RABGAP1L: variants seen among roughly 807,000 people sequenced by gnomAD.
RABGAP1L encodes rab GTPase-activating protein 1-like.
RABGAP1L carries 63 observed loss-of-function variants against 137.7 expected under a neutral mutation model. The observed-to-expected ratio is 0.46, with a 90% confidence interval of 0.37 to 0.56. The LOEUF is 0.56. Ranked by LOEUF, RABGAP1L falls within the 20% of genes least tolerant of loss-of-function variation. The probability of loss-of-function intolerance (pLI) is 0.00; values close to 1 mark genes in which losing one functional copy is unlikely to be tolerated. For missense variants in RABGAP1L, 1,095 were observed against 1,244.0 expected (o/e 0.88, Z 1.80); for synonymous variants, 431 against 433.7 (o/e 0.99, Z 0.08).
chr1:174,793,097 A>C (rs1687981534), intron 18 of RABGAP1L, among the ~76,000 whole-genome samples: 1 of 152,064 alleles, frequency 6.6e-6, no homozygotes. Flanking sequence ...ATGCCACTGC[A>C]CTCCAGCCTG....
At chr1:174,484,607 A>C (rs1465214196) in intron 13 of RABGAP1L, among the ~76,000 whole-genome samples, 9 of 152,182 alleles carry the variant, frequency 5.9e-5, no homozygotes, top group Non-Finnish European at 1.3e-4. Flanking sequence ...GTTCTTCTGC[A>C]TATGGATAAT....
chr1:174,754,443 A>G (rs1031633169), intron 18 of RABGAP1L, among the ~76,000 whole-genome samples: 2 of 152,184 alleles, frequency 1.3e-5, no homozygotes, highest in Admixed American at 1.3e-4. Flanking sequence ...TATCAAAATT[A>G]AAAACTTTGG....
intron 18 of RABGAP1L, among the ~76,000 whole-genome samples, chr1:174,784,011 C>CTTTTTTTTTTTT (rs3085670): frequency 1.9e-5 from 1 of 52,140 alleles, no homozygotes; most frequent in African/African-American, 7.4e-5. Flanking sequence ...TCTTCTTCTT[C>CTTTTTTTTTTTT]TTTTTTTTTT....
At chr1:174,436,890 G>A (rs999321233) in intron 13 of RABGAP1L, among the ~76,000 whole-genome samples, 3 of 152,172 alleles carry the variant, frequency 2.0e-5, no homozygotes, top group Non-Finnish European at 4.4e-5. Flanking sequence ...GAACGATCAG[G>A]CAGCAGCATT....
At chr1:174,600,248 G>A (rs902358577) in intron 13 of RABGAP1L, among the ~76,000 whole-genome samples, 2 of 152,102 alleles carry the variant, frequency 1.3e-5, no homozygotes, top group African/African-American at 4.8e-5. Context: ...CCACAATAAC[G>A]TGGGAATTCT....
intron 22 of RABGAP1L, among the ~76,000 whole-genome samples, chr1:174,976,732 T>C (rs1160064351): frequency 6.6e-6 from 1 of 152,188 alleles, no homozygotes; most frequent in Admixed American, 6.5e-5. Context: ...GGAACCAGCC[T>C]TGAAGTTAGC....
intron 4 of RABGAP1L, among the ~76,000 whole-genome samples, chr1:174,232,253 A>G (rs1204562769): frequency 1.3e-5 from 2 of 152,172 alleles, no homozygotes; most frequent in East Asian, 1.9e-4. Flanking sequence ...CACACCTGCA[A>G]TCCCAGCACT....
At chr1:174,531,837 G>C (rs1445955356) in intron 13 of RABGAP1L, among the ~76,000 whole-genome samples, 1 of 151,756 alleles carries the variant, frequency 6.6e-6, no homozygotes, top group Non-Finnish European at 1.5e-5. Flanking sequence ...TTCCAAATGA[G>C]AAAAATATAG....
intron 11 of RABGAP1L, among the ~76,000 whole-genome samples, chr1:174,355,162 A>G (rs1346661490): frequency 6.6e-6 from 1 of 152,180 alleles, no homozygotes; most frequent in Non-Finnish European, 1.5e-5. Context: ...ACACATGCAC[A>G]TGTATGTTTA....
chr1:174,272,148 T>C (rs1394157038), intron 7 of RABGAP1L, among the ~76,000 whole-genome samples: 3 of 152,128 alleles, frequency 2.0e-5, no homozygotes, highest in African/African-American at 7.2e-5. Context: ...TTCTTTCAAT[T>C]AACAACTTAT....
chr1:174,877,164 AC>A (rs906031838), intron 19 of RABGAP1L, among the ~76,000 whole-genome samples: 4 of 152,132 alleles, frequency 2.6e-5, no homozygotes, highest in Non-Finnish European at 1.5e-5. Context: ...TAGTTAGGAA[AC>A]TTTATTTCTT....
At chr1:174,806,930 C>A (rs1327460294) in intron 18 of RABGAP1L, among the ~76,000 whole-genome samples, 4 of 152,066 alleles carry the variant, frequency 2.6e-5, no homozygotes, top group Admixed American at 2.6e-4. Context: ...GGATTACAGG[C>A]GTGTGCCACT....
At chr1:174,366,778 GAAAAAAAAA>G (rs71117562) in intron 11 of RABGAP1L, among the ~76,000 whole-genome samples, 42 of 94,830 alleles carry the variant, frequency 4.4e-4, no homozygotes, top group Middle Eastern at 6.2e-3. Flanking sequence ...CCGTCTCCAG[GAAAAAAAAA>G]AAAAAAAAAA....
intron 12 of RABGAP1L, among the ~76,000 whole-genome samples, chr1:174,378,513 G>C (rs1373913751): frequency 6.6e-6 from 1 of 151,926 alleles, no homozygotes; most frequent in Non-Finnish European, 1.5e-5. Flanking sequence ...TTGTGGTTTT[G>C]ATTTGCATTT....
chr1:174,439,143 C>T (rs913144139), intron 13 of RABGAP1L, among the ~76,000 whole-genome samples: 8 of 151,210 alleles, frequency 5.3e-5, no homozygotes, highest in Non-Finnish European at 7.4e-5. Flanking sequence ...TTCCCAGTCT[C>T]GGGAAGAAAG....
chr1:174,330,252 C>T (rs1021427873), intron 11 of RABGAP1L, among the ~76,000 whole-genome samples: 8 of 150,306 alleles, frequency 5.3e-5, no homozygotes, highest in African/African-American at 1.9e-4. Flanking sequence ...TTTCTATACA[C>T]CAATAGGAAA....
rs750284306 is a variant in RABGAP1L, at chr1:174,284,359, A to AG, written c.1323+5581dup. 1.8e-4 allele frequency among the ~76,000 whole-genome samples: 28 copies of AG among 152,300 alleles called. No individual in the cohort carries two copies. In the Middle Eastern group the frequency reaches 0.017, roughly 93 times the overall value. On this transcript the variant is annotated intron_variant, in intron 10 of 25. Transcript: ENST00000681986. Reference sequence around the variant, plus strand: ...CATACAGTATTTGTCTTTCTAGTCTAGCTTTTTTTACTTAGCATAATGCTC... The same window carrying AG: ...CATACAGTATTTGTCTTTCTAGTCTAGGCTTTTTTTACTTAGCATAATGCTC...
At chr1:174,621,945 A>G (rs947318449) in intron 13 of RABGAP1L, among the ~76,000 whole-genome samples, 36 of 152,224 alleles carry the variant, frequency 2.4e-4, no homozygotes, top group Middle Eastern at 3.2e-3. Context: ...AATTTTTGCC[A>G]TCTACTCATC....
At chr1:174,533,124 GT>G (rs1256802296) in intron 13 of RABGAP1L, among the ~76,000 whole-genome samples, 2 of 152,130 alleles carry the variant, frequency 1.3e-5, no homozygotes, top group Non-Finnish European at 2.9e-5. Context: ...ATCCCACCTA[GT>G]CGGGAGACTG....
Sources: allele counts gnomAD v4.1 joint callset (sites outside exome capture counted in the v4.1 genomes callset), GRCh38; gene constraint gnomAD v4.1.1; transcripts MANE v1.5; gene names NCBI Gene and HGNC (gene_info 2026-07-23, HGNC 2026-07-21).